The following PGR variants were observed in gnomAD, a reference collection of about 807,000 sequenced individuals.
PGR encodes the protein progesterone receptor, also known as nuclear receptor subfamily 3 group C member 3.
Under a neutral mutation model 76.1 loss-of-function variants are expected in PGR, and 25 were observed. That is an observed-to-expected ratio of 0.33 (90% CI 0.24 to 0.46). The LOEUF is 0.46. Among genes scored for constraint, PGR ranks in the 20% least tolerant of loss-of-function variants. The pLI is 1.00. For synonymous variants in PGR, 579 were observed against 535.0 expected, an observed-to-expected ratio of 1.08 and a Z score of -1.14; for missense variants, 1,172 against 1,225.3, an observed-to-expected ratio of 0.96 and a Z score of 0.65.
intron 3 of PGR, among the ~76,000 whole-genome samples, chr11:101,074,241 A>C (rs1183043212): frequency 6.6e-6 from 1 of 152,188 alleles, no homozygotes; most frequent in Non-Finnish European, 1.5e-5. Flanking sequence ...GATTATCTCA[A>C]TAGATGCAGA....
chr11:101,117,375 T>A (rs1432391702), intron 2 of PGR, among the ~76,000 whole-genome samples: 1 of 152,188 alleles, frequency 6.6e-6, no homozygotes, highest in Admixed American at 6.5e-5. Flanking sequence ...GTAAGAATAT[T>A]TTGTATATGG....
intron 2 of PGR, among the ~76,000 whole-genome samples, chr11:101,105,485 T>G (rs1034509001): frequency 1.4e-5 from 2 of 140,824 alleles, no homozygotes; most frequent in Non-Finnish European, 3.1e-5. Flanking sequence ...TCCTATTTGG[T>G]AGCATATTCC....
chr11:101,040,341 A>G (rs2135377699), intron 7 of PGR, among the ~76,000 whole-genome samples: 1 of 152,074 alleles, frequency 6.6e-6, no homozygotes, highest in Middle Eastern at 3.4e-3. Context: ...CTGCACAGTT[A>G]TTGTTCTGGG....
intron 3 of PGR, among the ~76,000 whole-genome samples, chr11:101,090,480 T>C (rs1451542800): frequency 6.6e-6 from 1 of 152,262 alleles, no homozygotes; most frequent in Admixed American, 6.5e-5. Flanking sequence ...CAGGTCTTTC[T>C]TCTGGCTCCG....
chr11:101,050,718 G>A (rs1054418708), intron 5 of PGR, among the ~76,000 whole-genome samples: 14 of 152,144 alleles, frequency 9.2e-5, no homozygotes, highest in African/African-American at 3.4e-4. Flanking sequence ...TGGCTAAAAA[G>A]AGATAAGGAA....
intron 4 of PGR, among the ~76,000 whole-genome samples, chr11:101,059,881 A>G (rs1456616280): frequency 6.6e-6 from 1 of 151,656 alleles, no homozygotes; most frequent in Non-Finnish European, 1.5e-5. Flanking sequence ...GAAAAGAAAC[A>G]AAAGGATATA....
intron 3 of PGR, among the ~76,000 whole-genome samples, chr11:101,067,718 C>T (rs1860768978): frequency 6.6e-6 from 1 of 151,890 alleles, no homozygotes; most frequent in Non-Finnish European, 1.5e-5. Context: ...CATGTCAATA[C>T]ATGAGAATAA....
In PGR at chr11:101,035,162, G is replaced by A. The variant is rs1445175033; in HGVS notation, c.*3954C>T. ...AACTTATGCCATTACTTGTCTCCTT[G>A]TCCACTTCACTTTATCAGTGGGGAC... On this transcript the variant is annotated 3_prime_UTR_variant, in exon 8 of 8. Transcript: ENST00000325455. The A allele has an allele frequency of 9.4e-6, 2 of 213,608 alleles. No individual in the cohort carries two copies. The highest frequency in any genetic ancestry group is 1.9e-5 in the Non-Finnish European group (2 of 105,790). 13.2% of individuals were successfully genotyped at this position (213,608 alleles called of 1,614,324 possible).
chr11:101,124,268 A>G (rs1229867002), intron 2 of PGR, among the ~76,000 whole-genome samples: 2 of 152,186 alleles, frequency 1.3e-5, no homozygotes, highest in East Asian at 1.9e-4. Flanking sequence ...ACAGTTTTGG[A>G]TGCTATTCTA....
chr11:101,087,257 T>C (rs1591402341), intron 3 of PGR, among the ~76,000 whole-genome samples: 1 of 151,936 alleles, frequency 6.6e-6, no homozygotes, highest in Admixed American at 6.6e-5. Context: ...GAACAGAATA[T>C]AGAACCCAGA....
intron 4 of PGR, among the ~76,000 whole-genome samples, chr11:101,059,860 A>T (rs1228273630): frequency 6.9e-6 from 1 of 145,206 alleles, no homozygotes; most frequent in East Asian, 2.0e-4. Context: ...AAAAAAAAAA[A>T]AGAAAAAAAA....
At chr11:101,122,170 A>AAAAAG (rs1555067016) in intron 2 of PGR, among the ~76,000 whole-genome samples, 1 of 13,638 alleles carries the variant, frequency 7.3e-5, no homozygotes, top group Non-Finnish European at 1.4e-4. Flanking sequence ...AAAAAAAAAA[A>AAAAAG]GTGAGCATAA....
chr11:101,109,319 C>A (rs2135484050), intron 2 of PGR, among the ~76,000 whole-genome samples: 1 of 152,288 alleles, frequency 6.6e-6, no homozygotes, highest in East Asian at 1.9e-4. Flanking sequence ...AGGCCAAAAG[C>A]TAGGCCTCTT....
chr11:101,051,379 A>G, intron 5 of PGR, 45 bp downstream of exon 5: 3 of 1,287,820 alleles, frequency 2.3e-6, no homozygotes, highest in Non-Finnish European at 3.4e-6. Flanking sequence ...AAATTATCCT[A>G]CATGTACACT....
chr11:101,050,162 T>A, intron 5 of PGR, 103 bp from the exon 6 acceptor site: 1 of 1,129,350 alleles, frequency 8.9e-7, no homozygotes, highest in Non-Finnish European at 1.3e-6. Context: ...GGTAATTACC[T>A]TACATATTAT....
At position 101,029,653 on chromosome 11, in the gene PGR, C is replaced by T. The variant is rs1859290203; in HGVS notation, c.*9463G>A. ...AATTAGTTTATTCTTTATTATCACACAGAATAACAAGAATTAGAGTTAAAT... is the reference window on the plus strand; with the variant it reads ...AATTAGTTTATTCTTTATTATCACATAGAATAACAAGAATTAGAGTTAAAT... On this transcript the variant is annotated 3_prime_UTR_variant, in exon 8 of 8. Coordinates refer to ENST00000325455, the MANE Select transcript of PGR (RefSeq NM_000926.4). The T allele has an allele frequency of 2.1e-5, 4 of 193,804 alleles. No homozygotes were observed. The East Asian group carries it at 3.3e-4, about 16-fold the overall frequency. 12.0% of individuals were successfully genotyped at this position (193,804 alleles called of 1,614,324 possible). A position where few individuals can be genotyped will look rare whatever the true frequency, so the allele number is the denominator to read the frequency against.
chr11:101,122,020 T>C, intron 2 of PGR, among the ~76,000 whole-genome samples: 1 of 151,450 alleles, frequency 6.6e-6, no homozygotes, highest in Non-Finnish European at 1.5e-5. Context: ...CCAGGCGTGG[T>C]GGGGGGCACC....
At chr11:101,060,033 T>A (rs1483653374) in intron 4 of PGR, among the ~76,000 whole-genome samples, 3 of 152,126 alleles carry the variant, frequency 2.0e-5, no homozygotes, top group Non-Finnish European at 4.4e-5. Flanking sequence ...TGCCTAGGTG[T>A]CTTCATAAAC....
intron 3 of PGR, among the ~76,000 whole-genome samples, chr11:101,070,606 G>C (rs1008787980): frequency 8.5e-5 from 13 of 152,214 alleles, no homozygotes; most frequent in African/African-American, 3.1e-4. Flanking sequence ...ACAGCAGTGT[G>C]AAGTCGACCT....
Sources: allele counts gnomAD v4.1 joint callset (sites outside exome capture counted in the v4.1 genomes callset), GRCh38; gene constraint gnomAD v4.1.1; transcripts MANE v1.5; gene names NCBI Gene and HGNC (gene_info 2026-07-23, HGNC 2026-07-21).